IGSF9B: variants seen among roughly 807,000 people sequenced by gnomAD.
IGSF9B encodes immunoglobulin superfamily member 9B.
IGSF9B carries 48 observed loss-of-function variants against 143.7 expected under a neutral mutation model. The observed-to-expected ratio is 0.33, with a 90% CI of 0.26 to 0.42. The LOEUF is 0.42. Among genes scored for constraint, IGSF9B ranks in the 20% least tolerant of loss-of-function variants. The pLI is 1.00. For synonymous variants in IGSF9B, 903 were observed against 833.1 expected (o/e 1.08, Z -1.44); for missense variants, 1,706 against 1,980.0 (o/e 0.86, Z 2.63).
At chr11:133,932,251 A>G in intron 7 of IGSF9B, 38 bp from the exon 8 acceptor site, 7 of 1,495,778 alleles carry the variant, frequency 4.7e-6, no homozygotes, top group Non-Finnish European at 6.2e-6. Context: ...GCAGACAGAC[A>G]GACACAGGGA....
In IGSF9B at chr11:133,904,547, A is replaced by G. The variant is rs1939185481; in HGVS notation, c.*4522T>C. Among the ~76,000 whole-genome samples the G allele has an allele frequency of 6.6e-6, 1 of 152,066 alleles. No homozygotes were observed. Among genetic ancestry groups the G allele is most frequent in the Admixed American group, 6.6e-5 (1 of 15,256 alleles). On this transcript the variant is annotated 3_prime_UTR_variant, in exon 20 of 20. Coordinates refer to ENST00000533871, the MANE Select transcript of IGSF9B (RefSeq NM_001277285.4). ...ACCCCACAATCCGTCCCTGATGCCCAGATCCCCCTCCCACATGCCCTGCAT... is the reference window on the plus strand; with the variant it reads ...ACCCCACAATCCGTCCCTGATGCCCGGATCCCCCTCCCACATGCCCTGCAT...
At position 133,920,266 on chromosome 11, in the gene IGSF9B, A is replaced by G; in HGVS notation, c.3459T>C (p.Ala1153=). The G allele has an allele frequency of 6.6e-7, 1 of 1,519,968 alleles. No homozygotes were observed. The highest frequency in any genetic ancestry group is 1.3e-5 in the South Asian group (1 of 76,512). 94.2% of individuals were successfully genotyped at this position (1,519,968 alleles called of 1,614,324 possible). Residue 1153 remains alanine (A), a synonymous_variant, in exon 18 of 20, where the codon GCT becomes GCC. Coordinates refer to ENST00000533871, the MANE Select transcript of IGSF9B (RefSeq NM_001277285.4). ...GIPVLPYPEP[A]EPGAHGGPST... ...TGGGGCCGCCGTGCGCCCCCGGCTC[A>G]GCCGGCTCGGGGTAAGGCAGCACAG...
intron 13 of IGSF9B, 85 bp from the exon 14 acceptor site, chr11:133,926,050 C>T (rs1939620199): frequency 9.9e-7 from 1 of 1,011,056 alleles, no homozygotes; most frequent in Non-Finnish European, 1.5e-6. Context: ...GTGCACATGT[C>T]AGGGCCCAGA....
chr11:133,931,384 C>T lies in IGSF9B; in HGVS notation c.1368+69G>A, dbSNP rs1200579809. 4 of 1,184,502 alleles carry T rather than the reference C, an allele frequency of 3.4e-6. No homozygotes were observed. The Admixed American group carries it at 8.3e-5, about 24-fold the overall frequency. The allele number at this position is 1,184,502 out of a possible 1,614,324, so 73.4% of individuals were successfully genotyped here. ...CGGGGCTCGCTGGGCCCTCAAACCT[C>T]CCCGCAGCCCCAGGGCTCCCTGGGC... On this transcript the variant is annotated intron_variant, in intron 10 of 19. Transcript: ENST00000533871. The surrounding 1 kb of genome is among the most constrained non-coding windows in gnomAD (Gnocchi z 7.7).
intron 1 of IGSF9B, among the ~76,000 whole-genome samples, chr11:133,946,954 G>A (rs998769126): frequency 1.3e-5 from 2 of 152,200 alleles, no homozygotes; most frequent in South Asian, 2.1e-4. Context: ...TGCCGCAGAG[G>A]GGGGAGTGGG....
rs1939179116 is a variant in IGSF9B, at chr11:133,904,116, C to T, written c.*4953G>A. On this transcript the variant is annotated 3_prime_UTR_variant, in exon 20 of 20. Coordinates refer to ENST00000533871, the MANE Select transcript of IGSF9B (RefSeq NM_001277285.4). ...AAGGCCTCACGAAGCCACTGTGCAA[C>T]TTCATGGCCGGAAGGAAGCCTCTCT... Among the ~76,000 whole-genome samples, 1 of 152,168 alleles carries T rather than the reference C, an allele frequency of 6.6e-6. No homozygotes were observed. The highest frequency in any genetic ancestry group is 1.9e-4 in the East Asian group (1 of 5,192).
chr11:133,910,084 G>GA (rs1939276948), intron 19 of IGSF9B, among the ~76,000 whole-genome samples: 1 of 152,184 alleles, frequency 6.6e-6, no homozygotes, highest in Non-Finnish European at 1.5e-5. Context: ...ATCTCAGTTG[G>GA]AAAAGAGTGA....
Position 133,900,038 on chromosome 11 carries a change from G to A in IGSF9B, c.*9031C>T, listed in dbSNP as rs559584047. ...GTTAATTTGAGGACCCAAGGACAGTGCCTGACTGAATGGCAGGGCCTCATA... is the reference window on the plus strand; with the variant it reads ...GTTAATTTGAGGACCCAAGGACAGTACCTGACTGAATGGCAGGGCCTCATA... On this transcript the variant is annotated 3_prime_UTR_variant, in exon 20 of 20. Coordinates refer to ENST00000533871, the MANE Select transcript of IGSF9B (RefSeq NM_001277285.4). The A allele has an allele frequency of 2.0e-4, 30 of 152,372 alleles. No individual in the cohort carries two copies. The highest frequency in any genetic ancestry group is 6.8e-4 in the African/African-American group (28 of 41,458). 9.4% of individuals were successfully genotyped at this position (152,372 alleles called of 1,614,324 possible).
In IGSF9B at chr11:133,921,090, A is replaced by C; in HGVS notation, c.2635T>G (p.Phe879Val). 1 of 1,613,894 alleles carries C rather than the reference A, an allele frequency of 6.2e-7. No homozygotes were observed. The highest frequency in any genetic ancestry group is 8.5e-7 in the Non-Finnish European group (1 of 1,179,862). ...LKSRRIEGFP[F>V]AEETDMYPEF... is the part of the protein sequence containing the mutation. ...GGGTACATGTCCGTCTCCTCGGCGA[A>C]GGGGAAGCCCTCGATGCGCCTGCTC... Residue 879 changes from phenylalanine to valine, a missense_variant, in exon 18 of 20, where the codon TTC becomes GTC. By Grantham distance (50) the Phe-to-Val change is conservative. Transcript: ENST00000533871.
chr11:133,931,423 T>C lies in IGSF9B; in HGVS notation c.1368+30A>G, dbSNP rs569489405. The C allele has an allele frequency of 5.2e-6, 8 of 1,527,108 alleles. No individual in the cohort carries two copies. Among genetic ancestry groups the C allele is most frequent in the Middle Eastern group, 1.7e-4 (1 of 5,792 alleles). 94.6% of individuals were successfully genotyped at this position (1,527,108 alleles called of 1,614,324 possible). On this transcript the variant is annotated intron_variant, in intron 10 of 19. Coordinates refer to ENST00000533871, the MANE Select transcript of IGSF9B (RefSeq NM_001277285.4). The surrounding 1 kb of genome is among the most constrained non-coding windows in gnomAD (Gnocchi z 7.7). Reference sequence around the variant, plus strand: ...GGCTCCCTGGGCCCTCACACCTCCCTGCAGACCCAGGGCTCCAGGGCCCAG... The same window carrying C: ...GGCTCCCTGGGCCCTCACACCTCCCCGCAGACCCAGGGCTCCAGGGCCCAG...
chr11:133,905,584 C>G lies in IGSF9B; in HGVS notation c.*3485G>C, dbSNP rs903526254. Among the ~76,000 whole-genome samples the G allele has an allele frequency of 9.9e-5, 15 of 152,216 alleles. No homozygotes were observed. The highest frequency in any genetic ancestry group is 2.4e-4 in the African/African-American group (10 of 41,446). On this transcript the variant is annotated 3_prime_UTR_variant, in exon 20 of 20. Coordinates refer to ENST00000533871, the MANE Select transcript of IGSF9B (RefSeq NM_001277285.4). This position sits in a 1 kb window ranked among gnomAD's most constrained non-coding sequence, Gnocchi z 4.0. ...CAAGAAATACTCGGCTCAATCCACC[C>G]GGCTTCAGTCTTCCCCCAAGCGCAT...
At chr11:133,951,930 C>A in intron 1 of IGSF9B, 1 of 347,174 alleles carries the variant, frequency 2.9e-6, no homozygotes, top group Non-Finnish European at 6.0e-6. Context: ...GACAGTGACT[C>A]ACCTCGTACA....
rs561950310 is a variant in IGSF9B, at chr11:133,927,893, C to T, written c.1632-802G>A. Among the ~76,000 whole-genome samples the T allele has an allele frequency of 1.9e-3, 284 of 152,242 alleles. 1 individual carries two copies. Among genetic ancestry groups the T allele is most frequent in the African/African-American group, 6.5e-3 (269 of 41,536 alleles). ...CCGGGTCCCGGCTCACTACCGTGCA[C>T]GCCCAGGAGGGTGAGATGAGGCAGC... On this transcript the variant is annotated intron_variant, in intron 12 of 19. Coordinates refer to ENST00000533871, the MANE Select transcript of IGSF9B (RefSeq NM_001277285.4).
chr11:133,939,867 C>T (rs576707205), intron 3 of IGSF9B, among the ~76,000 whole-genome samples: 25 of 149,408 alleles, frequency 1.7e-4, no homozygotes, highest in South Asian at 8.6e-4. Context: ...ACACACACCT[C>T]GCACGTCCTC....
rs913531064 is a variant in IGSF9B at position 133,928,551 on chromosome 11, G to A, written c.1631+1120C>T. 2.6e-5 allele frequency among the ~76,000 whole-genome samples: 4 copies of A among 152,138 alleles called. No homozygotes were observed. The highest frequency in any genetic ancestry group is 6.5e-5 in the Admixed American group (1 of 15,296). On this transcript the variant is annotated intron_variant, in intron 12 of 19. Coordinates refer to ENST00000533871, the MANE Select transcript of IGSF9B (RefSeq NM_001277285.4). The surrounding 1 kb of genome is among the most constrained non-coding windows in gnomAD (Gnocchi z 4.7). ...CCCTCCCCTCGAGCTCCCCCTCCTC[G>A]AGTTGAGCCTGGCTAGAGAGACACC...
At position 133,926,976 on chromosome 11, in the gene IGSF9B, G is replaced by T; in HGVS notation, c.1747C>A (p.Leu583Met). 6.3e-7 allele frequency: 1 copy of T among 1,594,762 alleles called. No individual in the cohort carries two copies. Among genetic ancestry groups the T allele is most frequent in the Non-Finnish European group, 8.5e-7 (1 of 1,171,126 alleles). ...CTGGTTCCCAGCTTGTTCTGGGCCA[G>T]GACGCTGAACTGGTACGCTGTCTCA... ...EPETAYQFSV[L>M]AQNKLGTSAF... The change falls in exon 13 of 20, where the codon CTG (leucine) becomes ATG (methionine). Residue 583 changes from leucine (L) to methionine (M), a missense_variant. Physicochemically the swap from Leu to Met is conservative, Grantham distance 15. Around this residue, in one of 7 missense-constraint regions of IGSF9B, gnomAD observed 267 missense variants for 321.1 expected, o/e 0.83. Coordinates refer to ENST00000533871, the MANE Select transcript of IGSF9B (RefSeq NM_001277285.4).
Position 133,920,639 on chromosome 11 carries a change from T to C in IGSF9B, c.3086A>G (p.Gln1029Arg), listed in dbSNP as rs1565424135. Reference protein sequence around the residue: ...NASNSTLPLTQTPTGGRSPEP... With the variant: ...NASNSTLPLTRTPTGGRSPEP... ...AGGGGAGCGCCCTCCTGTAGGTGTC[T>C]GAGTCAAGGGCAGCGTGCTGTTGGA... Residue 1029 changes from glutamine to arginine, a missense_variant, in exon 18 of 20, where the codon CAG becomes CGG. By Grantham distance (43) the Gln-to-Arg change is conservative. Coordinates refer to ENST00000533871, the MANE Select transcript of IGSF9B (RefSeq NM_001277285.4). 1.2e-6 allele frequency: 2 copies of C among 1,613,472 alleles called. No individual in the cohort carries two copies. The highest frequency in any genetic ancestry group is 1.7e-6 in the Non-Finnish European group (2 of 1,179,802).
At chr11:133,937,288 G>C in intron 5 of IGSF9B, 88 bp downstream of exon 5, 1 of 940,398 alleles carries the variant, frequency 1.1e-6, no homozygotes, top group South Asian at 1.6e-5. Flanking sequence ...CCCCAGCTGA[G>C]CCCTGGGAAA....
At chr11:133,925,276 G>T (rs1229959262) in intron 14 of IGSF9B, among the ~76,000 whole-genome samples, 1 of 152,224 alleles carries the variant, frequency 6.6e-6, no homozygotes, top group Non-Finnish European at 1.5e-5. Flanking sequence ...TCCCCAGCTA[G>T]ATATCCAAGT....
Sources: allele counts gnomAD v4.1 joint callset (sites outside exome capture counted in the v4.1 genomes callset), GRCh38; gene constraint gnomAD v4.1.1; regional missense constraint gnomAD v4.1.1; non-coding constraint Gnocchi (gnomAD v3.1); transcripts MANE v1.5; gene names NCBI Gene and HGNC (gene_info 2026-07-23, HGNC 2026-07-21).